IL13RA1: variants seen among roughly 807,000 people sequenced by gnomAD.
IL13RA1 encodes interleukin 13 receptor subunit alpha 1, also known as interleukin-13 receptor subunit alpha-1.
A neutral mutation model predicts 33.8 loss-of-function variants in IL13RA1; 14 were observed. That is an observed-to-expected ratio of 0.41 (90% CI 0.27 to 0.65). The LOEUF (loss-of-function observed/expected upper bound fraction) is 0.65. IL13RA1 is among the 30% of genes least tolerant of loss of function. IL13RA1 has a pLI of 0.28. For missense variants in IL13RA1, 313 were observed against 327.0 expected (o/e 0.96, Z 0.33); for synonymous variants, 116 against 115.7 (o/e 1.00, Z -0.02).
At chrX:118,746,829 A>G (rs762218593) in intron 2 of IL13RA1, 125 bp from the exon 3 acceptor site, 1 of 461,207 alleles carries the variant, frequency 2.2e-6, no homozygotes, top group Non-Finnish European at 3.7e-6. Context: ...CCAATTGAGA[A>G]TCACTGATCT....
At position 118,770,298 on chromosome X, in the gene IL13RA1, C is replaced by T. The variant is rs770332342; in HGVS notation, c.1009+3322C>T. The T allele has an allele frequency of 2.3e-3, 783 of 346,099 alleles. 9 individuals carry two copies. Among genetic ancestry groups the T allele is most frequent in the South Asian group, 0.02 (759 of 38,759 alleles). The allele number at this position is 346,099 out of a possible 1,213,427, so 28.5% of individuals were successfully genotyped here. On this transcript the variant is annotated intron_variant, in intron 8 of 10. Transcript: ENST00000371666. The stretch of plus-strand genomic sequence containing the variant: ...ACCAACAGCCTCTTCAACGACTCCT[C>T]GCTGTGGCACCAGTGCTGGCCCGGC...
At chrX:118,766,746 C>A in intron 7 of IL13RA1, 98 bp from the exon 8 acceptor site, 1 of 612,206 alleles carries the variant, frequency 1.6e-6, no homozygotes, top group Admixed American at 3.2e-5. Flanking sequence ...AAGTCTTAAT[C>A]ATAGACAGAA....
chrX:118,765,869 C>T (rs950644380), intron 6 of IL13RA1, among the ~76,000 whole-genome samples: 1 of 112,163 alleles, frequency 8.9e-6, no homozygotes, highest in Non-Finnish European at 1.9e-5. Context: ...TTCTCATGAC[C>T]AGTGATGTTG....
At chrX:118,742,892 C>A (rs959641559) in intron 2 of IL13RA1, among the ~76,000 whole-genome samples, 3 of 111,562 alleles carry the variant, frequency 2.7e-5, no homozygotes, top group Non-Finnish European at 5.6e-5. Context: ...TAGGTTGAGC[C>A]ATGTGAAATT....
At chrX:118,769,234 G>A (rs1004219415) in intron 8 of IL13RA1, among the ~76,000 whole-genome samples, 7 of 112,361 alleles carry the variant, frequency 6.2e-5, no homozygotes, top group Non-Finnish European at 5.6e-5. Flanking sequence ...TAAAACAATG[G>A]TGCCAGGCCT....
At chrX:118,781,743 C>T (rs1219286558) in intron 10 of IL13RA1, among the ~76,000 whole-genome samples, 1 of 112,448 alleles carries the variant, frequency 8.9e-6, no homozygotes, top group African/African-American at 3.2e-5. Context: ...TTAATTTCAT[C>T]TAATACTCAG....
chrX:118,731,781 G>A (rs2017223455), intron 1 of IL13RA1, among the ~76,000 whole-genome samples: 1 of 111,871 alleles, frequency 8.9e-6, no homozygotes, highest in African/African-American at 3.3e-5. Flanking sequence ...GAAATAGAGA[G>A]GTTAAGTAAT....
rs763423084 is a variant in IL13RA1, at chrX:118,729,286, A to G, written c.88+1560A>G. On this transcript the variant is annotated intron_variant, in intron 1 of 10. Transcript: ENST00000371666. ...ATCTAGAGAATACTGGCAACTCCCA[A>G]CTTCATCAGTCCTGTCACAATGGTT... is the stretch of plus-strand genomic sequence containing the variant. Among the ~76,000 whole-genome samples, 9 of 112,252 alleles carry G rather than the reference A, an allele frequency of 8.0e-5. No individual in the cohort carries two copies. In the South Asian group the frequency reaches 1.8e-3, roughly 23 times the overall value.
Position 118,766,592 on chromosome X carries a change from C to A in IL13RA1, c.876+15C>A. 3.1e-6 allele frequency: 3 copies of A among 970,554 alleles called. No homozygotes were observed. The highest frequency in any genetic ancestry group is 4.4e-6 in the Non-Finnish European group (3 of 677,216). 80.0% of individuals were successfully genotyped at this position (970,554 alleles called of 1,213,427 possible). A position where few individuals can be genotyped will look rare whatever the true frequency, so the allele number is the denominator to read the frequency against. On this transcript the variant is annotated intron_variant, in intron 7 of 10. Transcript: ENST00000371666. The stretch of plus-strand genomic sequence containing the variant: ...GAAATGTGGAGGTCAGTAAATTCAA[C>A]ATTAGCTATTTGGGTTTAGACTTAG...
the IL13RA1 span, among the ~76,000 whole-genome samples, chrX:118,803,881 CCTTCCTT>C: frequency 1.0e-5 from 1 of 97,280 alleles, no homozygotes; most frequent in Non-Finnish European, 2.1e-5. Flanking sequence ...TTCCTTCCTT[CCTTCCTT>C]CCTTCCTTCC....
intron 8 of IL13RA1, chrX:118,770,002 G>A (rs1475763628): frequency 1.4e-5 from 3 of 213,648 alleles, no homozygotes; most frequent in South Asian, 5.8e-5. Flanking sequence ...CCGGCGACCC[G>A]GGCACCAGCA....
chrX:118,745,619 G>A (rs1271587589), intron 2 of IL13RA1, among the ~76,000 whole-genome samples: 1 of 111,975 alleles, frequency 8.9e-6, no homozygotes, highest in Non-Finnish European at 1.9e-5. Context: ...CTCATGCTCA[G>A]CTGGCAGCAG....
Position 118,741,037 on chromosome X carries a change from A to G in IL13RA1, c.109A>G (p.Asn37Asp). 1 of 1,121,975 alleles carries G rather than the reference A, an allele frequency of 8.9e-7. No individual in the cohort carries two copies. The highest frequency in any genetic ancestry group is 1.8e-5 in the African/African-American group (1 of 56,273). The allele number at this position is 1,121,975 out of a possible 1,213,427, so 92.5% of individuals were successfully genotyped here. Residue 37 changes from asparagine to aspartate, a missense_variant, in exon 2 of 11, where the codon AAT (asparagine) becomes GAT (aspartate). Asn to Asp is a conservative substitution (Grantham distance 23). Coordinates refer to ENST00000371666, the MANE Select transcript of IL13RA1 (RefSeq NM_001560.3). Reference protein sequence around the residue: ...APTETQPPVTNLSVSVENLCT... With the variant: ...APTETQPPVTDLSVSVENLCT... ...AACAGAAACTCAGCCACCTGTGACA[A>G]ATTTGAGTGTCTCTGTTGAAAACCT...
chrX:118,766,320 T>G lies in IL13RA1; in HGVS notation c.829-210T>G, dbSNP rs768562149. Among the ~76,000 whole-genome samples the G allele has an allele frequency of 8.8e-4, 98 of 111,222 alleles. 1 individual carries two copies. The South Asian group carries it at 0.035, about 40-fold the overall frequency. ...TCAGGAACTGATTTTGTGAATAGTA[T>G]GAGGTAGGGCGTCAAGAATCTTTTT... is the stretch of plus-strand genomic sequence containing the variant. On this transcript the variant is annotated intron_variant, in intron 6 of 10. Transcript: ENST00000371666.
intron 6 of IL13RA1, among the ~76,000 whole-genome samples, chrX:118,765,222 G>A (rs1196547258): frequency 3.6e-5 from 4 of 110,529 alleles, no homozygotes; most frequent in Non-Finnish European, 5.7e-5. Flanking sequence ...CTTAGCGTGC[G>A]GAGTAGCTGG....
In IL13RA1 at chrX:118,741,174, T is replaced by C; in HGVS notation, c.228+18T>C. The C allele has an allele frequency of 8.4e-6, 9 of 1,065,897 alleles. No homozygotes were observed. The highest frequency in any genetic ancestry group is 1.2e-5 in the Non-Finnish European group (9 of 764,119). 87.8% of individuals were successfully genotyped at this position (1,065,897 alleles called of 1,213,427 possible). On this transcript the variant is annotated intron_variant, in intron 2 of 10. Coordinates refer to ENST00000371666, the MANE Select transcript of IL13RA1 (RefSeq NM_001560.3). Reference sequence around the variant, plus strand: ...AAGATAAGGTAAGTTTTCTGCAACATGTTACATTGATGAGGTAAAGTGAAC... The same window carrying C: ...AAGATAAGGTAAGTTTTCTGCAACACGTTACATTGATGAGGTAAAGTGAAC...
chrX:118,781,562 G>C, intron 10 of IL13RA1, among the ~76,000 whole-genome samples: 1 of 112,055 alleles, frequency 8.9e-6, no homozygotes, highest in Middle Eastern at 4.6e-3. Context: ...ATGTTGGCCA[G>C]GCTGGTCTCG....
intron 1 of IL13RA1, among the ~76,000 whole-genome samples, chrX:118,740,412 A>G (rs1417961267): frequency 1.8e-5 from 2 of 111,863 alleles, no homozygotes; most frequent in Non-Finnish European, 3.8e-5. Context: ...TTCAAGTGAC[A>G]CTCCCAGCTC....
At chrX:118,749,860 A>G in intron 4 of IL13RA1, 82 bp downstream of exon 4, 1 of 650,457 alleles carries the variant, frequency 1.5e-6, no homozygotes, top group Non-Finnish European at 2.3e-6. Flanking sequence ...CAAAAAAAAA[A>G]GAACTGTTTA....
Sources: gnomAD v4.1 joint callset for allele counts (sites outside exome capture counted in the v4.1 genomes callset) on GRCh38, gnomAD v4.1.1 for gene constraint, MANE v1.5 for transcripts, NCBI Gene and HGNC (gene_info 2026-07-23, HGNC 2026-07-21) for gene names.